ARAP3: variants seen among roughly 807,000 people sequenced by gnomAD.
ARAP3 encodes the protein arf-GAP with Rho-GAP domain, ANK repeat and PH domain-containing protein 3.
A neutral mutation model predicts 169.2 loss-of-function variants in ARAP3; 82 were observed. The observed-to-expected ratio is 0.48, with a 90% CI of 0.41 to 0.58. ARAP3 has a LOEUF of 0.58. Among genes scored for constraint, ARAP3 ranks in the 20% least tolerant of loss-of-function variants. The probability of loss-of-function intolerance (pLI) is 0.00; values close to 1 mark genes in which losing one functional copy is unlikely to be tolerated. For missense variants in ARAP3, 1,764 were observed against 2,018.0 expected (o/e 0.87, Z 2.41); for synonymous variants, 791 against 800.3 (o/e 0.99, Z 0.20).
Position 141,673,677 on chromosome 5 carries a change from G to A in ARAP3, c.830C>T (p.Ala277Val). ...GCGGTCTGCCGTGAAGGAGAAGCTG[G>A]CATAGGGTGAAATGAGGTCATCACT... is the stretch of plus-strand genomic sequence containing the variant. ...ETSDDLISPYASFSFTADRLT... is the reference protein window; with the variant it reads ...ETSDDLISPYVSFSFTADRLT... Residue 277 changes from alanine (A) to valine (V), a missense_variant, in exon 5 of 33, where the codon GCC becomes GTC. Transcript: ENST00000239440. 6.2e-7 allele frequency: 1 copy of A among 1,614,236 alleles called. No homozygotes were observed. The highest frequency in any genetic ancestry group is 8.5e-7 in the Non-Finnish European group (1 of 1,180,052).
intron 4 of ARAP3, 47 bp from the exon 5 acceptor site, chr5:141,673,855 C>G: frequency 6.3e-7 from 1 of 1,581,868 alleles, no homozygotes. Context: ...ACAAGTACCC[C>G]GGACACCCTC....
At chr5:141,666,346 C>T (rs560418391) in intron 17 of ARAP3, 78 bp downstream of exon 17, 1 of 1,296,546 alleles carries the variant, frequency 7.7e-7, no homozygotes, top group Non-Finnish European at 1.0e-6. Flanking sequence ...CCATAAGAAC[C>T]CCCAAATAAT....
Position 141,671,099 on chromosome 5 carries a change from G to C in ARAP3, c.1990+166C>G, listed in dbSNP as rs74881540. On this transcript the variant is annotated intron_variant, in intron 13 of 32. Transcript: ENST00000239440. The surrounding 1 kb of genome is among the most constrained non-coding windows in gnomAD (Gnocchi z 4.9). Reference sequence around the variant, plus strand: ...CCCTCCCCAGCCATGACCGTCATCAGCTATCACATGACATCAGGAGATAGG... The same window carrying C: ...CCCTCCCCAGCCATGACCGTCATCACCTATCACATGACATCAGGAGATAGG... Among the ~76,000 whole-genome samples, 3 of 152,348 alleles carry C rather than the reference G, an allele frequency of 2.0e-5. No individual in the cohort carries two copies. The highest frequency in any genetic ancestry group is 7.2e-5 in the African/African-American group (3 of 41,564).
intron 1 of ARAP3, 147 bp from the exon 2 acceptor site, chr5:141,680,650 T>C (rs2099912840): frequency 7.9e-7 from 1 of 1,263,318 alleles, no homozygotes; most frequent in Non-Finnish European, 1.1e-6. Flanking sequence ...AGCAGAGCCA[T>C]CCCAGAACAA....
rs146818768 is a variant in ARAP3, at chr5:141,671,718, C to T, written c.1706G>A (p.Arg569His). Residue 569 changes from arginine to histidine, a missense_variant, in exon 12 of 33, where the codon CGC becomes CAC. Coordinates refer to ENST00000239440, the MANE Select transcript of ARAP3 (RefSeq NM_022481.6). The surrounding 1 kb of genome is among the most constrained non-coding windows in gnomAD (Gnocchi z 4.9). ...FIVLGNDRAN[R>H]FWAGTLPPGE... ...TGGGGGTAGGGTCCCTGCCCAGAAGCGGTTGGCACGATCATTTCCCAGGAC... is the reference window on the plus strand; with the variant it reads ...TGGGGGTAGGGTCCCTGCCCAGAAGTGGTTGGCACGATCATTTCCCAGGAC... The T allele has an allele frequency of 1.2e-5, 19 of 1,606,066 alleles. No homozygotes were observed. Among genetic ancestry groups the T allele is most frequent in the Non-Finnish European group, 1.4e-5 (17 of 1,175,984 alleles).
intron 19 of ARAP3, among the ~76,000 whole-genome samples, chr5:141,662,825 G>A (rs2099910144): frequency 6.6e-6 from 1 of 152,204 alleles, no homozygotes. Flanking sequence ...TGAGAAAGCT[G>A]TGACATGCCT....
rs1181503094 is a variant in ARAP3, at chr5:141,669,967, A to G, written c.2204T>C (p.Ile735Thr). ...TGGGGGGCTCACACCCAGACATACA[A>G]TATCCTGGGGCTGTATGAGGCTGAG... ...EPLSLIQPQD[I>T]VCLGVSPPPT... is the part of the protein sequence containing the mutation. The change falls in exon 15 of 33, where the codon ATT becomes ACT. Residue 735 changes from isoleucine to threonine, a missense_variant. Ile to Thr is a moderately conservative substitution (Grantham distance 89). Around this residue, in one of 3 missense-constraint regions of ARAP3, gnomAD observed 1,112 missense variants for 1,285.7 expected, o/e 0.86. Transcript: ENST00000239440. 2 of 1,600,200 alleles carry G rather than the reference A, an allele frequency of 1.2e-6. No homozygotes were observed. Among genetic ancestry groups the G allele is most frequent in the Non-Finnish European group, 1.7e-6 (2 of 1,175,624 alleles).
chr5:141,664,705 C>T (rs1047468072), intron 19 of ARAP3, among the ~76,000 whole-genome samples: 8 of 152,066 alleles, frequency 5.3e-5, no homozygotes, highest in Non-Finnish European at 8.8e-5. Context: ...AAATGAGGAC[C>T]GTTGGCCCCA....
At chr5:141,676,222 C>T (rs2099912165) in intron 4 of ARAP3, among the ~76,000 whole-genome samples, 1 of 152,126 alleles carries the variant, frequency 6.6e-6, no homozygotes, top group African/African-American at 2.4e-5. Context: ...GTGAAGCGCA[C>T]CTGTGGTCCC....
chr5:141,671,756 T>TGGGATGACAAGGGACAAAGGC lies in ARAP3; in HGVS notation c.1672-25_1672-5dup. On this transcript the variant is annotated splice_polypyrimidine_tract_variant and splice_region_variant and intron_variant, in intron 11 of 32. Coordinates refer to ENST00000239440, the MANE Select transcript of ARAP3 (RefSeq NM_022481.6). This position sits in a 1 kb window ranked among gnomAD's most constrained non-coding sequence, Gnocchi z 4.9. ...CATTTCCCAGGACAATGAATAACTG[T>TGGGATGACAAGGGACAAAGGC]GGGATGACAAGGGACAAAGGCAGGT... 6.3e-7 allele frequency: 1 copy of TGGGATGACAAGGGACAAAGGC among 1,597,232 alleles called. No individual in the cohort carries two copies. Among genetic ancestry groups the TGGGATGACAAGGGACAAAGGC allele is most frequent in the Non-Finnish European group, 8.5e-7 (1 of 1,170,626 alleles).
At chr5:141,666,753 A>T in intron 16 of ARAP3, 110 bp from the exon 17 acceptor site, 2 of 490,902 alleles carry the variant, frequency 4.1e-6, no homozygotes, top group South Asian at 1.2e-4. Context: ...AAACATGAAG[A>T]GAAAGCAGAA....
intron 25 of ARAP3, 41 bp from the exon 26 acceptor site, chr5:141,656,887 T>G: frequency 1.9e-6 from 3 of 1,588,630 alleles, no homozygotes; most frequent in Non-Finnish European, 2.6e-6. Context: ...AATCAGAATA[T>G]CCATACTAAG....
intron 2 of ARAP3, 68 bp downstream of exon 2, chr5:141,679,892 GCCT>G: frequency 6.2e-7 from 1 of 1,610,152 alleles, no homozygotes; most frequent in Non-Finnish European, 8.5e-7. Context: ...CCTGCTCCCC[GCCT>G]CCGTCCCCCT....
At chr5:141,654,458 G>A in intron 32 of ARAP3, 23 bp from the exon 33 acceptor site, 2 of 1,538,982 alleles carry the variant, frequency 1.3e-6, no homozygotes, top group East Asian at 2.3e-5. Context: ...GGAATGGCAG[G>A]AGTGGGCACA....
rs778875443 is a variant in ARAP3 at position 141,680,152 on chromosome 5, T to G, written c.335A>C (p.Gln112Pro). The change falls in exon 2 of 33, where the codon CAG becomes CCG. Residue 112 changes from glutamine (Q) to proline (P), a missense_variant. This residue lies in a region of ARAP3 where 630 missense variants were observed against 678.7 expected (regional missense o/e 0.93). Coordinates refer to ENST00000239440, the MANE Select transcript of ARAP3 (RefSeq NM_022481.6). ...FGGLSGPATT[Q>P]RPGLSPALGG... ...GAGGGCTGGGCTCAGCCCAGGTCTC[T>G]GAGTGGTGGCAGGGCCACTGAGTCC... The G allele has an allele frequency of 2.2e-5, 35 of 1,608,082 alleles. No homozygotes were observed. The highest frequency in any genetic ancestry group is 3.0e-5 in the Non-Finnish European group (35 of 1,176,114).
At chr5:141,666,039 CAAAA>C (rs764552450) in intron 17 of ARAP3, among the ~76,000 whole-genome samples, 1 of 116,278 alleles carries the variant, frequency 8.6e-6, no homozygotes, top group African/African-American at 3.0e-5. Context: ...ACTCTGTCTC[CAAAA>C]AAAAAAAAAA....
At chr5:141,681,882 G>C (rs2099913046) in intron 1 of ARAP3, among the ~76,000 whole-genome samples, 1 of 152,042 alleles carries the variant, frequency 6.6e-6, no homozygotes, top group Non-Finnish European at 1.5e-5. Flanking sequence ...CTCAGGGCCC[G>C]GTTTCCCGGT....
chr5:141,666,374 C>T (rs2099910642), intron 17 of ARAP3, 50 bp downstream of exon 17: 17 of 1,421,186 alleles, frequency 1.2e-5, no homozygotes, highest in Non-Finnish European at 1.6e-5. Context: ...TGCTTCCATG[C>T]ACCCGCATGG....
rs1370587886 is a variant in ARAP3 at position 141,671,697 on chromosome 5, G to A, written c.1727C>T (p.Pro576Leu). ...ATCTGGATGTAGTCCCTCACCTGGG[G>A]GTAGGGTCCCTGCCCAGAAGCGGTT... Reference protein sequence around the residue: ...RANRFWAGTLPPGEGLHPDAT... With the variant: ...RANRFWAGTLLPGEGLHPDAT... The change falls in exon 12 of 33, where the codon CCC (proline) becomes CTC (leucine). Residue 576 changes from proline (P) to leucine (L), a missense_variant. Physicochemically the swap from Pro to Leu is moderately conservative, Grantham distance 98. This residue lies in a region of ARAP3 where 1,112 missense variants were observed against 1,285.7 expected (regional missense o/e 0.86). Transcript: ENST00000239440. This position sits in a 1 kb window ranked among gnomAD's most constrained non-coding sequence, Gnocchi z 4.9. 2 of 1,612,272 alleles carry A rather than the reference G, an allele frequency of 1.2e-6. No homozygotes were observed. The highest frequency in any genetic ancestry group is 1.3e-5 in the African/African-American group (1 of 74,890).
Sources: allele counts gnomAD v4.1 joint callset (sites outside exome capture counted in the v4.1 genomes callset), GRCh38; gene constraint gnomAD v4.1.1; regional missense constraint gnomAD v4.1.1; non-coding constraint Gnocchi (gnomAD v3.1); transcripts MANE v1.5; gene names NCBI Gene and HGNC (gene_info 2026-07-23, HGNC 2026-07-21).